IL7: variants seen among roughly 807,000 people sequenced by gnomAD.
IL7 encodes the protein interleukin 7.
Under a neutral mutation model 21.6 loss-of-function variants are expected in IL7, and 3 were observed. The ratio of observed to expected loss-of-function variants is 0.14; its 90% CI spans 0.06 to 0.36. The LOEUF (loss-of-function observed/expected upper bound fraction) is 0.36. Among genes scored for constraint, IL7 ranks in the 10% least tolerant of loss-of-function variants. The probability of loss-of-function intolerance (pLI) is 1.00; values close to 1 mark genes in which losing one functional copy is unlikely to be tolerated. For synonymous variants in IL7, 62 were observed against 68.1 expected, an observed-to-expected ratio of 0.91 and a Z score of 0.44; for missense variants, 175 against 200.2, an observed-to-expected ratio of 0.87 and a Z score of 0.76.
At position 78,793,437 on chromosome 8, in the gene IL7, T is replaced by C. The variant is rs28886958; in HGVS notation, c.147+4635A>G. 7.3e-3 allele frequency among the ~76,000 whole-genome samples: 1,107 copies of C among 152,276 alleles called. 9 individuals are homozygous for C. Among genetic ancestry groups the C allele is most frequent in the African/African-American group, 0.026 (1,063 of 41,574 alleles). ...TACAATTTTGTTTGGTTTCCCAGCA[T>C]ATAAAAGTTATGTTTACACTATACT... On this transcript the variant is annotated intron_variant, in intron 2 of 5. Coordinates refer to ENST00000263851, the MANE Select transcript of IL7 (RefSeq NM_000880.4).
chr8:78,794,656 T>C (rs113868925), intron 2 of IL7, among the ~76,000 whole-genome samples: 102 of 152,192 alleles, frequency 6.7e-4, no homozygotes, highest in African/African-American at 2.3e-3. Context: ...CTGAAACTTC[T>C]ACACAGGCCA....
chr8:78,699,615 C>T (rs1266034297), intron 3 of IL7, among the ~76,000 whole-genome samples: 2 of 152,090 alleles, frequency 1.3e-5, no homozygotes, highest in East Asian at 3.9e-4. Context: ...TCTCTCTCTC[C>T]TCTTATCCTC....
downstream of IL7, among the ~76,000 whole-genome samples, chr8:78,675,230 A>G (rs1297336599): frequency 2.0e-5 from 3 of 151,846 alleles, no homozygotes; most frequent in African/African-American, 4.8e-5. Flanking sequence ...CTGACTCTTA[A>G]TATAAGTATT....
At chr8:78,794,874 G>T (rs1813803919) in intron 2 of IL7, among the ~76,000 whole-genome samples, 1 of 151,950 alleles carries the variant, frequency 6.6e-6, no homozygotes, top group Non-Finnish European at 1.5e-5. Flanking sequence ...ATCTGTACTT[G>T]GTCCATCATT....
In IL7 at chr8:78,688,304, A is replaced by C. The variant is rs1156272289; in HGVS notation, n.215-2357T>G. 2.0e-5 allele frequency among the ~76,000 whole-genome samples: 3 copies of C among 152,108 alleles called. No homozygotes were observed. In the East Asian group the frequency reaches 5.8e-4, roughly 29 times the overall value. On this transcript the variant is annotated intron_variant and non_coding_transcript_variant, in intron 3 of 4. Coordinates refer to the IL7 transcript ENST00000523959. ...GAGAGTGAGAGGGTACCAGTTCTTC[A>C]GGATCGTTTGGGCTTTAGAAGTTTT... is the stretch of plus-strand genomic sequence containing the variant.
chr8:78,711,177 C>T (rs542569895), intron 3 of IL7, among the ~76,000 whole-genome samples: 1 of 152,080 alleles, frequency 6.6e-6, no homozygotes, highest in Non-Finnish European at 1.5e-5. Context: ...ATGTGTTATT[C>T]AGTAGCAAAT....
intron 3 of IL7, among the ~76,000 whole-genome samples, chr8:78,696,248 A>G (rs1043043749): frequency 6.6e-6 from 1 of 152,026 alleles, no homozygotes; most frequent in Admixed American, 6.6e-5. Context: ...GTTAGCCAGG[A>G]TGGTCTCGAT....
At chr8:78,795,360 T>G (rs777313435) in intron 2 of IL7, among the ~76,000 whole-genome samples, 4 of 152,110 alleles carry the variant, frequency 2.6e-5, no homozygotes, top group African/African-American at 4.8e-5. Context: ...CTTCTATGTA[T>G]AGAAAACATT....
intron 3 of IL7, among the ~76,000 whole-genome samples, chr8:78,686,147 A>G (rs1189080450): frequency 1.3e-5 from 2 of 152,194 alleles, no homozygotes; most frequent in East Asian, 1.9e-4. Flanking sequence ...TATAATGGCA[A>G]TTACATTTTA....
rs143957418 is a variant in IL7, at chr8:78,755,298, T to G, written c.148-15216A>C. Among the ~76,000 whole-genome samples, 3 of 152,226 alleles carry G rather than the reference T, an allele frequency of 2.0e-5. No individual in the cohort carries two copies. In the East Asian group the frequency reaches 5.8e-4, roughly 29 times the overall value. ...TTTGTTCTTTTTGAGCAGTATTGCT[T>G]TTGCTATTCAAGTCCTTTGTATTTC... On this transcript the variant is annotated intron_variant, in intron 2 of 5. Coordinates refer to ENST00000263851, the MANE Select transcript of IL7 (RefSeq NM_000880.4).
At chr8:78,804,766 C>T (rs975523867) in intron 1 of IL7, 147 bp downstream of exon 1, 1 of 851,672 alleles carries the variant, frequency 1.2e-6, no homozygotes, top group Admixed American at 2.4e-5. Flanking sequence ...GTTGGCTGCC[C>T]ATGGGAGAGC....
chr8:78,766,072 C>T (rs1812744539), intron 2 of IL7, among the ~76,000 whole-genome samples: 1 of 151,960 alleles, frequency 6.6e-6, no homozygotes, highest in Non-Finnish European at 1.5e-5. Flanking sequence ...AGAAGCCAAA[C>T]TGAAAAAGGC....
At position 78,689,427 on chromosome 8, in the gene IL7, A is replaced by G. The variant is rs928883664; in HGVS notation, n.215-3480T>C. The G allele has an allele frequency of 3.4e-6, 5 of 1,474,412 alleles. No homozygotes were observed. In the African/African-American group the frequency reaches 5.7e-5, roughly 17 times the overall value. The allele number at this position is 1,474,412 out of a possible 1,614,324, so 91.3% of individuals were successfully genotyped here. ...ACGAGAAAATGGCTCATGGACATTC[A>G]TAGATTATTGTTTATGCTTTTCATG... On this transcript the variant is annotated intron_variant and non_coding_transcript_variant, in intron 3 of 4. Coordinates refer to the IL7 transcript ENST00000523959.
intron 3 of IL7, among the ~76,000 whole-genome samples, chr8:78,687,650 G>A (rs1810044328): frequency 1.7e-5 from 2 of 115,938 alleles, no homozygotes; most frequent in African/African-American, 3.1e-5. Context: ...ATATATTTAC[G>A]TAATACATTA....
At chr8:78,762,467 C>G (rs1812601956) in intron 2 of IL7, 9 of 1,539,562 alleles carry the variant, frequency 5.8e-6, no homozygotes, top group Non-Finnish European at 7.9e-6. Context: ...GCCCTCCCCT[C>G]CCCGCCTCCT....
chr8:78,722,899 G>T (rs777441441), intron 3 of IL7, among the ~76,000 whole-genome samples: 16 of 151,560 alleles, frequency 1.1e-4, no homozygotes, highest in Middle Eastern at 3.2e-3. Context: ...AACTTGCAAA[G>T]CTCAAAAGGT....
At chr8:78,757,058 A>G (rs1055661337) in intron 2 of IL7, among the ~76,000 whole-genome samples, 7 of 151,646 alleles carry the variant, frequency 4.6e-5, no homozygotes, top group Non-Finnish European at 8.8e-5. Context: ...TACTTTTACT[A>G]TATTCCATAG....
chr8:78,751,101 A>AG (rs909185568), intron 2 of IL7, among the ~76,000 whole-genome samples: 28 of 151,822 alleles, frequency 1.8e-4, no homozygotes, highest in African/African-American at 6.5e-4. Flanking sequence ...CAAAAAAAAA[A>AG]AAACTGATAA....
At chr8:78,736,384 TAAG>T in intron 5 of IL7, 87 bp downstream of exon 5, 2 of 753,214 alleles carry the variant, frequency 2.7e-6, no homozygotes, top group Non-Finnish European at 4.3e-6. Context: ...AAACCAGCTA[TAAG>T]AAGGAAACAA....
Sources: gnomAD v4.1 joint callset for allele counts (sites outside exome capture counted in the v4.1 genomes callset) on GRCh38, gnomAD v4.1.1 for gene constraint, MANE v1.5 for transcripts, NCBI Gene and HGNC (gene_info 2026-07-23, HGNC 2026-07-21) for gene names.